The following LGSN variants were observed in gnomAD, a reference collection of about 807,000 sequenced individuals.
LGSN encodes the protein lengsin, lens protein with glutamine synthetase domain.
In LGSN, 21 loss-of-function variants were observed where a neutral mutation model predicts 19.5. That is an observed-to-expected ratio of 1.07 (90% CI 0.76 to 1.55). The LOEUF is 1.55. LGSN is among the 40% of genes most tolerant of loss of function. The probability of loss-of-function intolerance (pLI) is 0.00; values close to 1 mark genes in which losing one functional copy is unlikely to be tolerated. For missense variants in LGSN, 673 were observed against 608.5 expected (o/e 1.11, Z -1.12); for synonymous variants, 257 against 215.6 (o/e 1.19, Z -1.68).
the LGSN span, among the ~76,000 whole-genome samples, chr6:63,367,618 G>A: frequency 1.4e-5 from 2 of 145,704 alleles, no homozygotes; most frequent in African/African-American, 2.8e-5. Context: ...TATAAATCAT[G>A]CTGCTATAAA....
the LGSN span, among the ~76,000 whole-genome samples, chr6:63,482,803 C>A: frequency 2.0e-5 from 3 of 152,144 alleles, no homozygotes; most frequent in Non-Finnish European, 4.4e-5. Flanking sequence ...CAGATTCAAG[C>A]GACTCTCCTG....
At chr6:63,562,529 T>C in the LGSN span, among the ~76,000 whole-genome samples, 15 of 152,330 alleles carry the variant, frequency 9.8e-5, no homozygotes, top group South Asian at 3.1e-3. Context: ...AAGTATTTCA[T>C]TATATAGATA....
chr6:63,378,778 G>C, the LGSN span, among the ~76,000 whole-genome samples: 12 of 152,140 alleles, frequency 7.9e-5, no homozygotes, highest in Admixed American at 7.9e-4. Context: ...CTATTCATGA[G>C]AGATATGCCC....
chr6:63,388,346 T>C, the LGSN span, among the ~76,000 whole-genome samples: 1 of 152,186 alleles, frequency 6.6e-6, no homozygotes, highest in Non-Finnish European at 1.5e-5. Context: ...GGTCCTATTA[T>C]GGGCTAAATT....
In LGSN at chr6:63,279,004, G is replaced by A. The variant is rs1767184852; in HGVS notation, c.*1017C>T. On this transcript the variant is annotated 3_prime_UTR_variant, in exon 4 of 4. Transcript: ENST00000370657. ...GATTTTGGACTTCTTCCCAAAAGCA[G>A]CTAAACTTTTGTGATAGTTACAATA... The A allele has an allele frequency of 6.6e-6, 1 of 152,184 alleles. No individual in the cohort carries two copies. Among genetic ancestry groups the A allele is most frequent in the Non-Finnish European group, 1.5e-5 (1 of 68,034 alleles). 9.4% of individuals were successfully genotyped at this position (152,184 alleles called of 1,614,324 possible).
the LGSN span, among the ~76,000 whole-genome samples, chr6:63,522,984 C>A: frequency 2.6e-5 from 4 of 151,746 alleles, no homozygotes; most frequent in Admixed American, 6.6e-5. Flanking sequence ...CCTGCCACAG[C>A]CTCCGGAGTA....
the LGSN span, among the ~76,000 whole-genome samples, chr6:63,404,780 T>C: frequency 1.3e-5 from 2 of 151,826 alleles, no homozygotes; most frequent in Admixed American, 6.6e-5. Context: ...ATGATTAATA[T>C]ACTAAAAAAA....
At chr6:63,412,411 GAAAGAAGA>G in the LGSN span, among the ~76,000 whole-genome samples, 1 of 114,216 alleles carries the variant, frequency 8.8e-6, no homozygotes, top group Non-Finnish European at 1.7e-5. Flanking sequence ...AAGAAAGAAA[GAAAGAAGA>G]AAGAAAGAAA....
the LGSN span, among the ~76,000 whole-genome samples, chr6:63,332,036 T>C: frequency 6.6e-6 from 1 of 152,244 alleles, no homozygotes; most frequent in African/African-American, 2.4e-5. Flanking sequence ...TTGTCCTCAC[T>C]TATATGAATA....
At chr6:63,404,275 G>C in the LGSN span, among the ~76,000 whole-genome samples, 11 of 151,970 alleles carry the variant, frequency 7.2e-5, no homozygotes, top group Middle Eastern at 6.8e-3. Flanking sequence ...TACAATCATG[G>C]GCAACTTTGA....
At chr6:63,551,934 G>C in the LGSN span, among the ~76,000 whole-genome samples, 3 of 152,264 alleles carry the variant, frequency 2.0e-5, no homozygotes, top group Non-Finnish European at 4.4e-5. Flanking sequence ...TCTTAATCCA[G>C]TCTATCACTG....
chr6:63,532,975 G>A, the LGSN span, among the ~76,000 whole-genome samples: 1 of 152,170 alleles, frequency 6.6e-6, no homozygotes. Context: ...TGGGAAGGAG[G>A]GGTTAGTCAC....
chr6:63,503,886 A>G, the LGSN span, among the ~76,000 whole-genome samples: 1 of 152,204 alleles, frequency 6.6e-6, no homozygotes, highest in African/African-American at 2.4e-5. Flanking sequence ...ACTGCACTCC[A>G]GCCTGGACAA....
chr6:63,562,717 T>TGA, the LGSN span, among the ~76,000 whole-genome samples: 1 of 152,188 alleles, frequency 6.6e-6, no homozygotes, highest in Non-Finnish European at 1.5e-5. Flanking sequence ...TATCAAGAGT[T>TGA]TAATTGTTCT....
At chr6:63,365,310 T>A in the LGSN span, among the ~76,000 whole-genome samples, 1 of 152,072 alleles carries the variant, frequency 6.6e-6, no homozygotes, top group Admixed American at 6.6e-5. Flanking sequence ...TATAAACACC[T>A]CCACGCAAAT....
chr6:63,539,101 C>T, the LGSN span, among the ~76,000 whole-genome samples: 3 of 151,896 alleles, frequency 2.0e-5, no homozygotes, highest in Non-Finnish European at 2.9e-5. Context: ...CCATGTTGGC[C>T]CATGCTGATC....
chr6:63,504,431 A>C, the LGSN span, among the ~76,000 whole-genome samples: 6 of 152,044 alleles, frequency 3.9e-5, no homozygotes, highest in South Asian at 1.0e-3. Flanking sequence ...TAGTAGAGAC[A>C]GGATTTCACA....
the LGSN span, among the ~76,000 whole-genome samples, chr6:63,439,959 C>T: frequency 2.6e-5 from 4 of 152,130 alleles, no homozygotes. Context: ...GTTCATTGTG[C>T]TTATTTTTCA....
the LGSN span, among the ~76,000 whole-genome samples, chr6:63,535,369 T>G: frequency 2.0e-4 from 30 of 151,700 alleles, no homozygotes; most frequent in Non-Finnish European, 4.4e-5. Flanking sequence ...CTTGGGTGCC[T>G]GAGGCACGAG....
Sources: gnomAD v4.1 joint callset for allele counts (sites outside exome capture counted in the v4.1 genomes callset) on GRCh38, gnomAD v4.1.1 for gene constraint, MANE v1.5 for transcripts, NCBI Gene and HGNC (gene_info 2026-07-23, HGNC 2026-07-21) for gene names.